Variants in OR10D3 observed in about 807,000 individuals in gnomAD.
OR10D3 encodes the protein olfactory receptor 10D3.
For synonymous variants in OR10D3, 100 were observed against 57.6 expected, an observed-to-expected ratio of 1.74 and a Z score of -3.33; for missense variants, 286 against 153.7, an observed-to-expected ratio of 1.86 and a Z score of -4.55.
chr11:124,183,527 C>G (rs1469919533), intron 1 of OR10D3, 144 bp downstream of exon 1: 1 of 122,496 alleles, frequency 8.2e-6, no homozygotes, highest in East Asian at 2.5e-4. Context: ...TCCTTCCCTC[C>G]CTCCCTCCCT....
chr11:124,185,827 C>A, exon 2 of OR10D3: 1 of 703,642 alleles, frequency 1.4e-6, no homozygotes. Flanking sequence ...CACTGTTGCC[C>A]TTGGCCTGTG....
exon 1 of OR10D3, chr11:124,183,372 T>C (rs181635854): frequency 3.0e-4 from 46 of 152,360 alleles, no homozygotes; most frequent in African/African-American, 1.1e-3. Context: ...TAAATGATCA[T>C]ACTTTCTCTT....
At chr11:124,183,764 G>A (rs1861189818) in intron 1 of OR10D3, among the ~76,000 whole-genome samples, 1 of 152,024 alleles carries the variant, frequency 6.6e-6, no homozygotes, top group African/African-American at 2.4e-5. Flanking sequence ...AGGAAAATTT[G>A]GAGTCCTCAG....
chr11:124,188,490 A>T lies in OR10D3; in HGVS notation c.*2282A>T, dbSNP rs150231950. On this transcript the variant is annotated 3_prime_UTR_variant, in exon 2 of 2. Coordinates refer to ENST00000641351, the Ensembl canonical transcript of OR10D3. ...GTTAGGAAGTTTCCTGACCAATGTA[A>T]GGAGATGGCTGTTGATTTTCAGTTA... The T allele has an allele frequency of 3.5e-3, 526 of 152,352 alleles. 2 individuals are homozygous for T. The highest frequency in any genetic ancestry group is 0.012 in the African/African-American group (499 of 41,572). 9.4% of individuals were successfully genotyped at this position (152,352 alleles called of 1,614,324 possible).
In OR10D3 at chr11:124,186,186, CA is replaced by C; in HGVS notation, c.918del (p.Gly307AlafsTer11). On this transcript the variant is annotated frameshift_variant, in exon 2 of 2. Transcript: ENST00000641351. LOFTEE classifies it high-confidence loss of function. ...GCCCTGAAAACAATATTGCACAGGA[CA>C]GGCCATGTTCCTGAGAGTTAGTAAG... is the stretch of plus-strand genomic sequence containing the variant. 1 of 701,488 alleles carries C rather than the reference CA, an allele frequency of 1.4e-6. No homozygotes were observed. Among genetic ancestry groups the C allele is most frequent in the Non-Finnish European group, 2.6e-6 (1 of 384,112 alleles). 43.5% of individuals were successfully genotyped at this position (701,488 alleles called of 1,614,324 possible). A position where few individuals can be genotyped will look rare whatever the true frequency, so the allele number is the denominator to read the frequency against.
At chr11:124,185,068 A>G (rs940878163) in intron 1 of OR10D3, 191 bp from the exon 2 acceptor site, 39 of 559,082 alleles carry the variant, frequency 7.0e-5, no homozygotes, top group Non-Finnish European at 8.8e-5. Context: ...TTTGCTACAG[A>G]AATGTAGTTG....
At chr11:124,187,410 A>G (rs1489837122) in exon 2 of OR10D3, 1 of 152,202 alleles carries the variant, frequency 6.6e-6, no homozygotes, top group East Asian at 1.9e-4. Flanking sequence ...GCTACACAGA[A>G]GCTTTGTGGA....
At chr11:124,183,921 A>G (rs1861190876) in intron 1 of OR10D3, among the ~76,000 whole-genome samples, 6 of 152,176 alleles carry the variant, frequency 3.9e-5, no homozygotes, top group Admixed American at 6.5e-5. Flanking sequence ...TCACTTTACA[A>G]TCAGGAATTT....
At chr11:124,185,979 C>G (rs898531223) in exon 2 of OR10D3, 23 of 703,272 alleles carry the variant, frequency 3.3e-5, no homozygotes, top group Non-Finnish European at 4.9e-5. Context: ...CGTCGCCGTG[C>G]CTTCTCCACC....
intron 1 of OR10D3, 151 bp from the exon 2 acceptor site, chr11:124,185,108 C>G (rs1861204392): frequency 1.7e-6 from 1 of 584,348 alleles, no homozygotes. Context: ...AAGGATAATG[C>G]CTTGTAACTT....
chr11:124,185,270 A>G (rs966495446), exon 2 of OR10D3: 1 of 701,734 alleles, frequency 1.4e-6, no homozygotes, highest in Non-Finnish European at 2.6e-6. Flanking sequence ...ACTGGCTTCC[A>G]TGGAGGTGAA....
chr11:124,183,781 A>T (rs2466586), intron 1 of OR10D3, among the ~76,000 whole-genome samples: 21,141 of 152,060 alleles, frequency 0.14, 1,514 homozygotes, highest in Admixed American at 0.17. Flanking sequence ...TCAGTTTACA[A>T]AGTATTCTCA....
chr11:124,185,876 G>T (rs756310890), exon 2 of OR10D3: 5 of 703,312 alleles, frequency 7.1e-6, no homozygotes, highest in South Asian at 5.9e-5. Flanking sequence ...CTTCACCAAC[G>T]TTGGCCTCAT....
At chr11:124,184,061 A>G (rs1861191808) in intron 1 of OR10D3, among the ~76,000 whole-genome samples, 1 of 152,162 alleles carries the variant, frequency 6.6e-6, no homozygotes, top group African/African-American at 2.4e-5. Context: ...TATATGTAGC[A>G]CTTGTCTTGG....
intron 1 of OR10D3, among the ~76,000 whole-genome samples, chr11:124,184,919 T>C (rs187170686): frequency 2.8e-4 from 42 of 152,306 alleles, no homozygotes; most frequent in Middle Eastern, 3.4e-3. Context: ...AATCCTGACA[T>C]TTCACATCCT....
At chr11:124,186,357 A>G (rs1369287815) in exon 2 of OR10D3, 4 of 520,122 alleles carry the variant, frequency 7.7e-6, no homozygotes, top group African/African-American at 1.9e-5. Context: ...ATAATACATT[A>G]TCTTTTTGCA....
exon 2 of OR10D3, chr11:124,188,456 A>C (rs2137701595): frequency 6.6e-6 from 1 of 152,224 alleles, no homozygotes. Context: ...CCTGTGCTCC[A>C]CTTCTCTCGT....
chr11:124,186,316 G>A (rs1861225757), exon 2 of OR10D3: 1 of 608,974 alleles, frequency 1.6e-6, no homozygotes, highest in Admixed American at 2.9e-5. Context: ...TTTCAGCACT[G>A]TGCTGAATGA....
intron 1 of OR10D3, among the ~76,000 whole-genome samples, chr11:124,183,728 T>C (rs1861189646): frequency 6.6e-6 from 1 of 152,122 alleles, no homozygotes; most frequent in Admixed American, 6.5e-5. Flanking sequence ...TTCACTCCTC[T>C]TTTATGCTTT....
Sources: allele counts gnomAD v4.1 joint callset (sites outside exome capture counted in the v4.1 genomes callset), GRCh38; gene constraint gnomAD v4.1.1; transcripts MANE v1.5; gene names NCBI Gene and HGNC (gene_info 2026-07-23, HGNC 2026-07-21).